Variants in KANSL3 observed in about 807,000 individuals in gnomAD.
KANSL3 encodes KAT8 regulatory NSL complex subunit 3, also known as NSL complex protein NSL3.
KANSL3 carries 16 observed loss-of-function variants against 89.2 expected under a neutral mutation model. The ratio of observed to expected loss-of-function variants is 0.18; its 90% CI spans 0.12 to 0.27. The LOEUF (loss-of-function observed/expected upper bound fraction) is 0.27, where lower values mean the gene tolerates loss of function less well. Among genes scored for constraint, KANSL3 ranks in the 10% least tolerant of loss-of-function variants. The probability of loss-of-function intolerance (pLI) is 1.00; values close to 1 mark genes in which losing one functional copy is unlikely to be tolerated. For synonymous variants in KANSL3, 385 were observed against 419.7 expected (o/e 0.92, Z 1.01); for missense variants, 879 against 1,110.6 (o/e 0.79, Z 2.96).
At chr2:96,601,571 A>G (rs746459483) in intron 20 of KANSL3, 72 bp downstream of exon 20, 11 of 1,555,252 alleles carry the variant, frequency 7.1e-6, no homozygotes, top group Non-Finnish European at 9.5e-6. Context: ...AGCCCCTTCA[A>G]TCAGCCAGTC....
intron 3 of KANSL3, among the ~76,000 whole-genome samples, chr2:96,620,666 T>A (rs2071090218): frequency 6.6e-6 from 1 of 152,128 alleles, no homozygotes. Flanking sequence ...CAATTGAAGA[T>A]GCTCTATTAA....
At chr2:96,588,532 T>G, downstream of KANSL3, among the ~76,000 whole-genome samples, 1 of 151,840 alleles carries the variant, frequency 6.6e-6, no homozygotes, top group East Asian at 1.9e-4. Context: ...CTTGGAACAT[T>G]AGGAAGAAAG....
intron 13 of KANSL3, 89 bp from the exon 14 acceptor site, chr2:96,608,753 G>C (rs2068390549): frequency 6.4e-7 from 1 of 1,569,460 alleles, no homozygotes; most frequent in South Asian, 1.2e-5. Context: ...CCCCTTGTAG[G>C]AACTCACAGG....
chr2:96,611,160 G>A lies in KANSL3; in HGVS notation c.1087-22C>T, dbSNP rs778537873. The A allele has an allele frequency of 5.6e-6, 9 of 1,606,866 alleles. No individual in the cohort carries two copies. The African/African-American group carries it at 1.2e-4, about 21-fold the overall frequency. On this transcript the variant is annotated intron_variant, in intron 9 of 20. Coordinates refer to ENST00000431828, the MANE Select transcript of KANSL3 (RefSeq NM_001115016.3). ...ACACCTGTAAATAACAGAACAGTTT[G>A]TCTAAACGTCAACTGAGTTCATGGC...
chr2:96,608,698 A>G, intron 13 of KANSL3, 34 bp from the exon 14 acceptor site: 6 of 1,613,560 alleles, frequency 3.7e-6, no homozygotes, highest in Non-Finnish European at 5.1e-6. Context: ...AGATGAGACA[A>G]TGTTACTAGG....
Position 96,593,598 on chromosome 2 carries a change from C to A in KANSL3, c.*2013G>T. The stretch of plus-strand genomic sequence containing the variant: ...CCCCTTCTTCAGTTGTGGAGTTCTT[C>A]AAGGTGGACAGATCACACCTCAGGA... On this transcript the variant is annotated 3_prime_UTR_variant, in exon 21 of 21. Transcript: ENST00000431828. 1 of 306,704 alleles carries A rather than the reference C, an allele frequency of 3.3e-6. No individual in the cohort carries two copies. The highest frequency in any genetic ancestry group is 3.0e-5 in the South Asian group (1 of 33,538). The allele number at this position is 306,704 out of a possible 1,614,324, so 19.0% of individuals were successfully genotyped here.
At chr2:96,600,659 A>T in intron 20 of KANSL3, 1 of 985,414 alleles carries the variant, frequency 1.0e-6, no homozygotes, top group Non-Finnish European at 1.2e-6. Flanking sequence ...TCAGTACTAG[A>T]CTCAAACTGT....
At chr2:96,627,815 A>C (rs1056904624) in intron 3 of KANSL3, 1 of 912,662 alleles carries the variant, frequency 1.1e-6, no homozygotes, top group Non-Finnish European at 1.5e-6. Flanking sequence ...TGCAAGCTCC[A>C]AACAGGCTAC....
intron 11 of KANSL3, among the ~76,000 whole-genome samples, chr2:96,609,814 A>G (rs1400493176): frequency 2.0e-5 from 3 of 152,012 alleles, no homozygotes; most frequent in African/African-American, 7.3e-5. Context: ...CACAGTGCCC[A>G]GGACAGTCCG....
chr2:96,597,036 A>G (rs2066605573), intron 20 of KANSL3, among the ~76,000 whole-genome samples: 1 of 152,234 alleles, frequency 6.6e-6, no homozygotes. Context: ...AACAAAACAG[A>G]TAATTAAGTG....
intron 12 of KANSL3, 148 bp downstream of exon 12, chr2:96,609,351 A>T: frequency 1.3e-6 from 1 of 755,764 alleles, no homozygotes; most frequent in South Asian, 1.6e-5. Flanking sequence ...CACCACTCTC[A>T]TTTTTCTTTT....
chr2:96,628,314 C>A, intron 3 of KANSL3: 1 of 910,944 alleles, frequency 1.1e-6, no homozygotes, highest in Non-Finnish European at 1.3e-6. Flanking sequence ...GGCCAGGCCA[C>A]CCCAGTGTCT....
In KANSL3 at chr2:96,593,219, A is replaced by T. The variant is rs1486182012; in HGVS notation, c.*2392T>A. On this transcript the variant is annotated 3_prime_UTR_variant, in exon 21 of 21. Transcript: ENST00000431828. Reference sequence around the variant, plus strand: ...TTTTTGTTAATGTAAAAACAGAACCATCACAGCCGCTCAGCTCTATAACCC... The same window carrying T: ...TTTTTGTTAATGTAAAAACAGAACCTTCACAGCCGCTCAGCTCTATAACCC... 1.1e-5 allele frequency: 5 copies of T among 454,020 alleles called. No individual in the cohort carries two copies. The highest frequency in any genetic ancestry group is 2.4e-5 in the Admixed American group (1 of 41,890). 28.1% of individuals were successfully genotyped at this position (454,020 alleles called of 1,614,324 possible).
chr2:96,592,005 T>TA (rs1445876716), downstream of KANSL3, among the ~76,000 whole-genome samples: 4 of 152,056 alleles, frequency 2.6e-5, no homozygotes, highest in African/African-American at 7.2e-5. Context: ...CATAAAAAGG[T>TA]AAAAAAGACT....
intron 1 of KANSL3, chr2:96,638,010 T>G (rs2074496368): frequency 6.6e-6 from 1 of 152,278 alleles, no homozygotes; most frequent in South Asian, 2.1e-4. Flanking sequence ...TCATCCAGAG[T>G]TCGCGACGAG....
chr2:96,606,978 C>G, intron 14 of KANSL3: 1 of 1,288,748 alleles, frequency 7.8e-7, no homozygotes, highest in Non-Finnish European at 1.0e-6. Flanking sequence ...ACCAAAGAGA[C>G]AGGAGGAGGT....
At chr2:96,608,424 A>G in intron 14 of KANSL3, 84 bp downstream of exon 14, 1 of 1,374,562 alleles carries the variant, frequency 7.3e-7, no homozygotes, top group Non-Finnish European at 1.0e-6. Context: ...GAAAAAAGCC[A>G]TAGATATCAA....
rs1298721189 is a variant in KANSL3, at chr2:96,605,433, C to T, written c.1820G>A (p.Ser607Asn). Residue 607 changes from serine to asparagine, a missense_variant, in exon 15 of 21, where the codon AGT (serine) becomes AAT (asparagine). Coordinates refer to ENST00000431828, the MANE Select transcript of KANSL3 (RefSeq NM_001115016.3). ...GGAGGTCTTACTGCCAGGAAGGGGA[C>T]TCGAGGGATGGTGTCGCTTCAGCTG... ...RVQLKRHHPS[S>N]PLPGSKTSKR... 1 of 1,613,856 alleles carries T rather than the reference C, an allele frequency of 6.2e-7. No individual in the cohort carries two copies. Among genetic ancestry groups the T allele is most frequent in the Non-Finnish European group, 8.5e-7 (1 of 1,179,856 alleles).
At position 96,608,450 on chromosome 2, in the gene KANSL3, A is replaced by G. The variant is rs1040398002; in HGVS notation, c.1741+58T>C. ...TAGATATCAATACTGTGCAACTGCC[A>G]TGTGACATGAACTACAGAAGACAGA... On this transcript the variant is annotated intron_variant, in intron 14 of 20. Coordinates refer to ENST00000431828, the MANE Select transcript of KANSL3 (RefSeq NM_001115016.3). 5.7e-6 allele frequency: 9 copies of G among 1,572,582 alleles called. No homozygotes were observed. The East Asian group carries it at 2.0e-4, about 35-fold the overall frequency.
Sources: gnomAD v4.1 joint callset for allele counts (sites outside exome capture counted in the v4.1 genomes callset) on GRCh38, gnomAD v4.1.1 for gene constraint, MANE v1.5 for transcripts, NCBI Gene and HGNC (gene_info 2026-07-23, HGNC 2026-07-21) for gene names.